The following PMM2 variants were observed in gnomAD, a reference collection of about 807,000 sequenced individuals.
PMM2 encodes the protein phosphomannomutase 2.
In PMM2, 35 loss-of-function variants were observed where a neutral mutation model predicts 33.2. The ratio of observed to expected loss-of-function variants is 1.06; its 90% confidence interval spans 0.81 to 1.40. The LOEUF is 1.40. Among genes scored for constraint, PMM2 ranks in the 40% most tolerant of loss-of-function variants. PMM2 has a pLI of 0.00. For missense variants in PMM2, 386 were observed against 306.0 expected (o/e 1.26, Z -1.95); for synonymous variants, 153 against 114.7 (o/e 1.33, Z -2.13).
intron 4 of PMM2, chr16:8,809,937 A>G (rs985104861): frequency 2.6e-4 from 39 of 152,130 alleles, no homozygotes; most frequent in African/African-American, 9.2e-4. Context: ...CAGTCTCCCA[A>G]GTAGCTGGGA....
chr16:8,844,235 G>A (rs910601707), intron 7 of PMM2, among the ~76,000 whole-genome samples: 25 of 151,944 alleles, frequency 1.6e-4, no homozygotes, highest in African/African-American at 3.1e-4. Context: ...TTAAGTTCTT[G>A]AGAACACAGG....
chr16:8,800,913 C>T (rs545640740), intron 1 of PMM2, among the ~76,000 whole-genome samples: 268 of 152,326 alleles, frequency 1.8e-3, no homozygotes, highest in Admixed American at 3.4e-3. Flanking sequence ...CGAACTCTGA[C>T]CTCAGGTGAT....
At chr16:8,839,478 G>C (rs937720685) in intron 7 of PMM2, among the ~76,000 whole-genome samples, 1 of 151,990 alleles carries the variant, frequency 6.6e-6, no homozygotes, top group Non-Finnish European at 1.5e-5. Flanking sequence ...TGGTGTATGA[G>C]AAAACGTTGA....
chr16:8,823,521 A>G (rs1011051703), intron 7 of PMM2, among the ~76,000 whole-genome samples: 9 of 152,210 alleles, frequency 5.9e-5, no homozygotes, highest in African/African-American at 2.2e-4. Context: ...CTTGCAAAAT[A>G]AGTCATAGTC....
intron 7 of PMM2, among the ~76,000 whole-genome samples, chr16:8,836,144 A>G (rs1355426970): frequency 6.9e-6 from 1 of 145,734 alleles, no homozygotes; most frequent in Non-Finnish European, 1.5e-5. Flanking sequence ...CAGGCCCTTG[A>G]AAAGAAGGTA....
intron 7 of PMM2, among the ~76,000 whole-genome samples, chr16:8,825,760 T>A (rs888105215): frequency 6.7e-6 from 1 of 149,946 alleles, no homozygotes; most frequent in African/African-American, 2.5e-5. Flanking sequence ...AACACTATTT[T>A]TTTTTTTTTT....
At chr16:8,845,695 A>AGCACCTGC (rs1431220459) in intron 7 of PMM2, among the ~76,000 whole-genome samples, 5 of 151,824 alleles carry the variant, frequency 3.3e-5, no homozygotes, top group African/African-American at 4.8e-5. Flanking sequence ...TCTCCTGCCA[A>AGCACCTGC]GCAGCTGGGA....
At position 8,806,341 on chromosome 16, in the gene PMM2, C is replaced by G; in HGVS notation, c.281C>G (p.Ala94Gly). ...AATATTCAAAGTCATCTGGGTGAGG[C>G]CCTAATCCAAGATTTAATCAACTAC... The part of the protein sequence containing the change: ...RQNIQSHLGE[A>G]LIQDLINYCL... Residue 94 changes from alanine to glycine, a missense_variant, in exon 4 of 8, where the codon GCC (alanine) becomes GGC (glycine). Transcript: ENST00000268261. 6.2e-7 allele frequency: 1 copy of G among 1,608,928 alleles called. No individual in the cohort carries two copies. Among genetic ancestry groups the G allele is most frequent in the Non-Finnish European group, 8.5e-7 (1 of 1,175,288 alleles).
chr16:8,839,989 A>G (rs1260922235), intron 7 of PMM2, among the ~76,000 whole-genome samples: 2 of 151,482 alleles, frequency 1.3e-5, no homozygotes, highest in African/African-American at 2.4e-5. Flanking sequence ...TGAGTTCTTC[A>G]GGAGGGTAAA....
chr16:8,833,449 T>C (rs377108527), intron 7 of PMM2, among the ~76,000 whole-genome samples: 1 of 152,304 alleles, frequency 6.6e-6, no homozygotes, highest in African/African-American at 2.4e-5. Flanking sequence ...ATGGCTTGGC[T>C]TGGGCTCAGA....
chr16:8,843,027 T>C (rs1016424054), intron 7 of PMM2, among the ~76,000 whole-genome samples: 8 of 152,022 alleles, frequency 5.3e-5, no homozygotes, highest in Admixed American at 6.6e-5. Flanking sequence ...CCAGGAATAG[T>C]CAGGGAAGCA....
intron 2 of PMM2, among the ~76,000 whole-genome samples, chr16:8,804,055 G>A (rs1349374953): frequency 2.0e-4 from 2 of 9,888 alleles, no homozygotes; most frequent in African/African-American, 2.7e-4. Flanking sequence ...TTTTTTTGAC[G>A]TTAGACAGAG....
Position 8,847,653 on chromosome 16 carries a change from TCC to T in PMM2, c.640-70_640-69del, listed in dbSNP as rs2060935978. The T allele has an allele frequency of 3.5e-6, 4 of 1,151,982 alleles. No homozygotes were observed. The Admixed American group carries it at 5.1e-5, about 15-fold the overall frequency. The allele number at this position is 1,151,982 out of a possible 1,614,324, so 71.4% of individuals were successfully genotyped here. Reference sequence around the variant, plus strand: ...TCTTGTTTTTTGGGTACTTTTGGACTCCAGGGTCACATCAGCAATGGCCCGGG... The same window carrying T: ...TCTTGTTTTTTGGGTACTTTTGGACTAGGGTCACATCAGCAATGGCCCGGG... On this transcript the variant is annotated intron_variant, in intron 7 of 7. Transcript: ENST00000268261.
At chr16:8,845,011 G>C (rs139985168) in intron 7 of PMM2, among the ~76,000 whole-genome samples, 4,111 of 152,318 alleles carry the variant, frequency 0.027, 155 homozygotes, top group African/African-American at 0.079. Flanking sequence ...CTCCCGATCT[G>C]AGTCACGGCA....
intron 2 of PMM2, among the ~76,000 whole-genome samples, chr16:8,803,432 C>T (rs1816975277): frequency 6.6e-6 from 1 of 152,186 alleles, no homozygotes; most frequent in Non-Finnish European, 1.5e-5. Flanking sequence ...AGCATAGTGT[C>T]TGCACCTGTC....
chr16:8,799,373 A>G (rs761469540), intron 1 of PMM2, among the ~76,000 whole-genome samples: 92 of 152,262 alleles, frequency 6.0e-4, no homozygotes, highest in Middle Eastern at 3.4e-3. Flanking sequence ...AAACACACTC[A>G]GTGAAGAACT....
chr16:8,832,913 C>T, intron 7 of PMM2: 1 of 985,380 alleles, frequency 1.0e-6, no homozygotes, highest in Non-Finnish European at 1.2e-6. Context: ...GGCAGCCCTT[C>T]CCTCCCTTTG....
rs1276707572 is a variant in PMM2, at chr16:8,828,006, A to G, written c.639+14900A>G. Reference sequence around the variant, plus strand: ...CTTGGATATCCATTTTTAATTAAGCAGATTTTAACTGTAGAACTCTTTTTT... The same window carrying G: ...CTTGGATATCCATTTTTAATTAAGCGGATTTTAACTGTAGAACTCTTTTTT... On this transcript the variant is annotated intron_variant, in intron 7 of 7. Transcript: ENST00000268261. Among the ~76,000 whole-genome samples, 235 of 118,934 alleles carry G rather than the reference A, an allele frequency of 2.0e-3. 1 individual carries two copies. The highest frequency in any genetic ancestry group is 3.8e-3 in the South Asian group (15 of 3,916). 78.0% of individuals were successfully genotyped at this position (118,934 alleles called of 152,430 possible). A position where few individuals can be genotyped will look rare whatever the true frequency, so the allele number is the denominator to read the frequency against.
chr16:8,816,218 C>T (rs867130792), intron 7 of PMM2, among the ~76,000 whole-genome samples: 1 of 152,090 alleles, frequency 6.6e-6, no homozygotes, highest in African/African-American at 2.4e-5. Context: ...CCACTGCCTC[C>T]TGAGTTCAAG....
Sources: gnomAD v4.1 joint callset for allele counts (sites outside exome capture counted in the v4.1 genomes callset) on GRCh38, gnomAD v4.1.1 for gene constraint, MANE v1.5 for transcripts, NCBI Gene and HGNC (gene_info 2026-07-23, HGNC 2026-07-21) for gene names.